The following SOX5 variants were observed in gnomAD, a reference collection of about 807,000 sequenced individuals.
SOX5 encodes the protein SRY-box transcription factor 5.
Under a neutral mutation model 92.0 loss-of-function variants are expected in SOX5, and 9 were observed. The ratio of observed to expected loss-of-function variants is 0.10; its 90% CI spans 0.06 to 0.17. The LOEUF is 0.17. Ranked by LOEUF, SOX5 falls within the 10% of genes least tolerant of loss-of-function variation. The pLI, the probability that SOX5 is intolerant of heterozygous loss-of-function variation, is 1.00. For missense variants in SOX5, 642 were observed against 944.5 expected, an observed-to-expected ratio of 0.68 and a Z score of 4.20; for synonymous variants, 344 against 336.3, an observed-to-expected ratio of 1.02 and a Z score of -0.25.
At chr12:23,919,015 C>A (rs1356204311) in intron 1 of SOX5, among the ~76,000 whole-genome samples, 1 of 151,760 alleles carries the variant, frequency 6.6e-6, no homozygotes, top group Admixed American at 6.6e-5. Context: ...CACTAAAAAT[C>A]AGGTCACATT....
chr12:23,921,816 C>T (rs751652195), intron 1 of SOX5, among the ~76,000 whole-genome samples: 2 of 152,114 alleles, frequency 1.3e-5, no homozygotes, highest in African/African-American at 2.4e-5. Flanking sequence ...TCTGGCAATA[C>T]CCATCACTGC....
chr12:23,645,132 T>C (rs1475827895), intron 7 of SOX5, among the ~76,000 whole-genome samples: 5 of 152,208 alleles, frequency 3.3e-5, no homozygotes, highest in Non-Finnish European at 7.4e-5. Context: ...ATTTGAATAA[T>C]GTTGACCATC....
At chr12:24,382,026 A>C (rs902013256) in intron 1 of SOX5, among the ~76,000 whole-genome samples, 27 of 152,234 alleles carry the variant, frequency 1.8e-4, no homozygotes, top group Non-Finnish European at 1.6e-4. Context: ...GCGAGGAACT[A>C]TCCTGGGCTC....
At chr12:23,998,827 G>C (rs1331257326) in intron 4 of SOX5, among the ~76,000 whole-genome samples, 2 of 145,744 alleles carry the variant, frequency 1.4e-5, no homozygotes, top group Non-Finnish European at 3.0e-5. Context: ...AAAAAAAAAG[G>C]GGGGGCGAAA....
At position 23,533,962 on chromosome 12, in the gene SOX5, G is replaced by GA; in HGVS notation, c.*256dup. ...ACTTCAGTGCTTGGATGTAGCAGCT[G>GA]AATTACTGGCATTATTTTACCCATA... On this transcript the variant is annotated 3_prime_UTR_variant, in exon 15 of 15. Transcript: ENST00000451604. 1 of 351,980 alleles carries GA rather than the reference G, an allele frequency of 2.8e-6. No homozygotes were observed. The highest frequency in any genetic ancestry group is 5.2e-6 in the Non-Finnish European group (1 of 192,512). The allele number at this position is 351,980 out of a possible 1,614,324, so 21.8% of individuals were successfully genotyped here.
rs2078682151 is a variant in SOX5 at position 23,632,552 on chromosome 12, C to T, written c.1017+8260G>A. Among the ~76,000 whole-genome samples, 6 of 152,202 alleles carry T rather than the reference C, an allele frequency of 3.9e-5. No homozygotes were observed. The South Asian group carries it at 1.2e-3, about 32-fold the overall frequency. On this transcript the variant is annotated intron_variant, in intron 8 of 14. Coordinates refer to ENST00000451604, the MANE Select transcript of SOX5 (RefSeq NM_006940.6). The stretch of plus-strand genomic sequence containing the variant: ...CCAAGCATATAAAGCCATGCTCAGT[C>T]ACTCACAGTGCTGGGAAATATGGAG...
chr12:23,984,864 T>C (rs1014047260), intron 4 of SOX5, among the ~76,000 whole-genome samples: 9 of 152,200 alleles, frequency 5.9e-5, no homozygotes, highest in African/African-American at 2.2e-4. Context: ...CTAATAATAA[T>C]TGTAATTAGT....
chr12:24,285,060 G>T (rs1238397899), intron 2 of SOX5, among the ~76,000 whole-genome samples: 1 of 152,096 alleles, frequency 6.6e-6, no homozygotes, highest in Non-Finnish European at 1.5e-5. Flanking sequence ...TTGAACCCGG[G>T]AGGTGGAGGT....
At chr12:24,381,639 C>T (rs896385139) in intron 1 of SOX5, among the ~76,000 whole-genome samples, 1 of 152,146 alleles carries the variant, frequency 6.6e-6, no homozygotes, top group Non-Finnish European at 1.5e-5. Context: ...TGCCCTTCTA[C>T]GTGGATTATT....
At chr12:24,092,620 T>TGCATCTTCAA (rs1385681441) in intron 4 of SOX5, among the ~76,000 whole-genome samples, 5 of 152,196 alleles carry the variant, frequency 3.3e-5, no homozygotes, top group Admixed American at 6.5e-5. Context: ...CTAATACTGA[T>TGCATCTTCAA]GCATCTTCAA....
intron 3 of SOX5, among the ~76,000 whole-genome samples, chr12:23,833,952 T>C (rs1224312905): frequency 6.6e-6 from 1 of 151,902 alleles, no homozygotes; most frequent in African/African-American, 2.4e-5. Flanking sequence ...TCATCCACAG[T>C]TAAGAGAAAC....
chr12:23,960,130 G>A (rs1338033278), intron 4 of SOX5, among the ~76,000 whole-genome samples: 1 of 152,062 alleles, frequency 6.6e-6, no homozygotes, highest in African/African-American at 2.4e-5. Flanking sequence ...GAAAAGAATT[G>A]GAGAGAAACG....
chr12:24,437,929 T>C (rs982983088), intron 1 of SOX5, among the ~76,000 whole-genome samples: 6 of 152,342 alleles, frequency 3.9e-5, no homozygotes, highest in African/African-American at 1.2e-4. Flanking sequence ...ATCCCATTAC[T>C]GGGTATATAC....
chr12:24,019,387 AT>A (rs1954037519), intron 4 of SOX5, among the ~76,000 whole-genome samples: 1 of 152,232 alleles, frequency 6.6e-6, no homozygotes, highest in African/African-American at 2.4e-5. Flanking sequence ...AACTAGAAAA[AT>A]AAATTGCCAA....
intron 4 of SOX5, among the ~76,000 whole-genome samples, chr12:24,135,111 T>C (rs1322397183): frequency 6.6e-6 from 1 of 152,120 alleles, no homozygotes; most frequent in Non-Finnish European, 1.5e-5. Context: ...CATTAAGGAC[T>C]CCCTCATTTT....
intron 4 of SOX5, among the ~76,000 whole-genome samples, chr12:24,018,913 G>A (rs1011901942): frequency 6.6e-6 from 1 of 152,118 alleles, no homozygotes; most frequent in African/African-American, 2.4e-5. Context: ...CTAAAATACT[G>A]CCCTTCACAC....
At position 24,330,716 on chromosome 12, in the gene SOX5, G is replaced by C. The variant is rs1028365982; in HGVS notation, c.-174+37847C>G. Among the ~76,000 whole-genome samples the C allele has an allele frequency of 4.6e-5, 7 of 152,218 alleles. 1 individual carries two copies. Among genetic ancestry groups the C allele is most frequent in the Admixed American group, 3.3e-4 (5 of 15,274 alleles). On this transcript the variant is annotated intron_variant, in intron 2 of 4. Transcript: ENST00000446891. ...CACATGGTAGACATGACAAGCATATGTTTTGAATGAATGAACAAGAATATG... is the reference window on the plus strand; with the variant it reads ...CACATGGTAGACATGACAAGCATATCTTTTGAATGAATGAACAAGAATATG...
At chr12:24,020,883 T>C (rs1954208868) in intron 4 of SOX5, among the ~76,000 whole-genome samples, 1 of 152,136 alleles carries the variant, frequency 6.6e-6, no homozygotes, top group Non-Finnish European at 1.5e-5. Context: ...CCCTTTAATA[T>C]GACAAAAACA....
At chr12:24,065,097 G>A (rs1448006744) in intron 4 of SOX5, among the ~76,000 whole-genome samples, 1 of 152,176 alleles carries the variant, frequency 6.6e-6, no homozygotes, top group African/African-American at 2.4e-5. Flanking sequence ...CATTAAGGGG[G>A]TGAAAGGGCA....
Sources: gnomAD v4.1 joint callset for allele counts (sites outside exome capture counted in the v4.1 genomes callset) on GRCh38, gnomAD v4.1.1 for gene constraint, MANE v1.5 for transcripts, NCBI Gene and HGNC (gene_info 2026-07-23, HGNC 2026-07-21) for gene names.